Variants in CERS3 observed in about 807,000 individuals in gnomAD.
CERS3 encodes the protein ceramide synthase 3.
CERS3 carries 33 observed loss-of-function variants against 50.3 expected under a neutral mutation model. That is an observed-to-expected ratio of 0.66 (90% CI 0.50 to 0.88). The LOEUF is 0.88. CERS3 is among the 40% of genes least tolerant of loss of function. The pLI, the probability that CERS3 is intolerant of heterozygous loss-of-function variation, is 0.00. For synonymous variants in CERS3, 176 were observed against 155.2 expected (o/e 1.13, Z -0.99); for missense variants, 470 against 460.3 (o/e 1.02, Z -0.19).
At chr15:100,446,442 G>A (rs2033949412) in intron 11 of CERS3, among the ~76,000 whole-genome samples, 2 of 148,002 alleles carry the variant, frequency 1.4e-5, no homozygotes, top group African/African-American at 5.0e-5. Context: ...TAGAAGCTAA[G>A]AGATGGTAGA....
chr15:100,509,989 T>C (rs1371600490), intron 2 of CERS3, among the ~76,000 whole-genome samples: 1 of 151,588 alleles, frequency 6.6e-6, no homozygotes, highest in African/African-American at 2.4e-5. Context: ...CATTAGTCTG[T>C]TTGTGCTTTC....
At chr15:100,515,892 T>G (rs1281517607) in intron 2 of CERS3, among the ~76,000 whole-genome samples, 2 of 152,200 alleles carry the variant, frequency 1.3e-5, no homozygotes, top group Non-Finnish European at 2.9e-5. Context: ...ATCTTGCTCC[T>G]CTTCACTGGC....
intron 11 of CERS3, among the ~76,000 whole-genome samples, chr15:100,443,121 C>T (rs2033763943): frequency 6.6e-6 from 1 of 151,704 alleles, no homozygotes; most frequent in Non-Finnish European, 1.5e-5. Context: ...CTCATTACTG[C>T]CCTTCTTCCC....
intron 11 of CERS3, among the ~76,000 whole-genome samples, chr15:100,416,725 T>G (rs1191869746): frequency 1.3e-5 from 2 of 152,152 alleles, no homozygotes; most frequent in African/African-American, 2.4e-5. Context: ...ACTGCTCCCA[T>G]GGTCCAATCA....
chr15:100,432,821 G>T (rs2033203081), intron 11 of CERS3, among the ~76,000 whole-genome samples: 1 of 152,210 alleles, frequency 6.6e-6, no homozygotes, highest in Non-Finnish European at 1.5e-5. Flanking sequence ...GGAAGAGGTG[G>T]TAGGGCTTGA....
At chr15:100,445,023 G>A (rs74327257) in intron 11 of CERS3, among the ~76,000 whole-genome samples, 4,562 of 151,784 alleles carry the variant, frequency 0.03, 98 homozygotes, top group Admixed American at 0.064. Context: ...CGGACTAATG[G>A]TCTTTTAAAA....
chr15:100,416,203 G>A (rs1444982877), intron 11 of CERS3, among the ~76,000 whole-genome samples: 3 of 152,070 alleles, frequency 2.0e-5, no homozygotes, highest in African/African-American at 7.2e-5. Flanking sequence ...AATGAACAAA[G>A]CCAGAGGCAT....
At chr15:100,406,442 A>G (rs983733857) in intron 11 of CERS3, among the ~76,000 whole-genome samples, 3 of 152,220 alleles carry the variant, frequency 2.0e-5, no homozygotes, top group Admixed American at 1.3e-4. Flanking sequence ...TAATCTGAAC[A>G]TGGCTTTTGA....
In CERS3 at chr15:100,455,899, G is replaced by C; in HGVS notation, c.993C>G (p.Phe331Leu). 1 of 1,607,104 alleles carries C rather than the reference G, an allele frequency of 6.2e-7. No homozygotes were observed. Among genetic ancestry groups the C allele is most frequent in the Non-Finnish European group, 8.5e-7 (1 of 1,176,800 alleles). The stretch of plus-strand genomic sequence containing the variant: ...ATATTTGGACAGCCCTTACCTTCAT[G>C]AATATACATCTGTTGAGCATCTTCA... ...YILKMLNRCI[F>L]MKSIQDVRSD... The change falls in exon 11 of 12, where the codon TTC becomes TTG. Residue 331 changes from phenylalanine (F) to leucine (L), a missense_variant. Coordinates refer to ENST00000679737, the MANE Select transcript of CERS3 (RefSeq NM_001378789.1).
At chr15:100,456,091 C>T in intron 10 of CERS3, 45 bp from the exon 11 acceptor site, 1 of 1,463,922 alleles carries the variant, frequency 6.8e-7, no homozygotes, top group East Asian at 2.5e-5. Flanking sequence ...AACCAAAGCA[C>T]CTATGAATTT....
intron 11 of CERS3, among the ~76,000 whole-genome samples, chr15:100,423,827 C>A (rs1314463252): frequency 6.6e-6 from 1 of 152,182 alleles, no homozygotes; most frequent in Non-Finnish European, 1.5e-5. Flanking sequence ...TCACCTTCCA[C>A]CATGATTGAA....
chr15:100,408,944 A>G (rs1453676653), intron 11 of CERS3, among the ~76,000 whole-genome samples: 1 of 152,206 alleles, frequency 6.6e-6, no homozygotes, highest in Non-Finnish European at 1.5e-5. Context: ...AGTAACTTTC[A>G]CAACACCACA....
At chr15:100,540,525 C>G (rs1417642863) in intron 1 of CERS3, among the ~76,000 whole-genome samples, 1 of 152,158 alleles carries the variant, frequency 6.6e-6, no homozygotes, top group Non-Finnish European at 1.5e-5. Flanking sequence ...GCCTGGGTGA[C>G]AGAGCAAGAC....
chr15:100,424,996 G>A (rs1315229761), intron 11 of CERS3, among the ~76,000 whole-genome samples: 1 of 150,560 alleles, frequency 6.6e-6, no homozygotes, highest in African/African-American at 2.4e-5. Flanking sequence ...GAGGGTGCAA[G>A]CCAAAAACCT....
intron 3 of CERS3, among the ~76,000 whole-genome samples, chr15:100,494,448 C>T (rs1033230813): frequency 7.9e-5 from 12 of 151,606 alleles, no homozygotes; most frequent in Non-Finnish European, 1.5e-4. Context: ...GGGGTTTCAC[C>T]ATGTTAGCCA....
chr15:100,537,662 C>T (rs2037105722), intron 1 of CERS3, among the ~76,000 whole-genome samples: 1 of 152,208 alleles, frequency 6.6e-6, no homozygotes, highest in Admixed American at 6.5e-5. Context: ...GATTCAATTA[C>T]TTCCATCTGG....
chr15:100,483,778 A>ATTTTTTTTTTTTTTTTTTTTTTTTT (rs1300648690), intron 5 of CERS3, among the ~76,000 whole-genome samples: 1 of 59,138 alleles, frequency 1.7e-5, no homozygotes, highest in African/African-American at 6.8e-5. Flanking sequence ...AATAATAATT[A>ATTTTTTTTTTTTTTTTTTTTTTTTT]TTATTATTAT....
upstream of CERS3, among the ~76,000 whole-genome samples, chr15:100,529,795 A>T (rs188279776): frequency 1.3e-5 from 2 of 152,246 alleles, no homozygotes; most frequent in Non-Finnish European, 2.9e-5. Context: ...ACCAAACATC[A>T]GCAGTACCGC....
intron 1 of CERS3, among the ~76,000 whole-genome samples, chr15:100,536,790 T>C (rs1377357466): frequency 6.6e-6 from 1 of 152,192 alleles, no homozygotes; most frequent in Non-Finnish European, 1.5e-5. Flanking sequence ...CCATGTGCTT[T>C]GAATATATTT....
Sources: allele counts gnomAD v4.1 joint callset (sites outside exome capture counted in the v4.1 genomes callset), GRCh38; gene constraint gnomAD v4.1.1; transcripts MANE v1.5; gene names NCBI Gene and HGNC (gene_info 2026-07-23, HGNC 2026-07-21).